Variants in ZNF267 observed in about 807,000 individuals in gnomAD.
ZNF267 encodes zinc finger (C2H2).
ZNF267 carries 61 observed loss-of-function variants against 71.6 expected under a neutral mutation model. That is an observed-to-expected ratio of 0.85 (90% confidence interval 0.69 to 1.05). ZNF267 has a LOEUF of 1.05. Ranked by LOEUF, ZNF267 falls within the 50% of genes least tolerant of loss-of-function variation. The pLI is 0.00. For synonymous variants in ZNF267, 288 were observed against 293.2 expected (o/e 0.98, Z 0.18); for missense variants, 852 against 870.0 (o/e 0.98, Z 0.26).
chr16:31,895,156 G>A (rs1385604586), intron 3 of ZNF267, among the ~76,000 whole-genome samples: 2 of 152,224 alleles, frequency 1.3e-5, no homozygotes, highest in Non-Finnish European at 1.5e-5. Context: ...GTGGGTGTGA[G>A]CTCTGGGTGA....
intron 1 of ZNF267, among the ~76,000 whole-genome samples, chr16:31,880,780 G>C (rs1397600546): frequency 6.6e-6 from 1 of 152,164 alleles, no homozygotes; most frequent in Non-Finnish European, 1.5e-5. Flanking sequence ...TCTAATGTGT[G>C]GGTGAAATAC....
In ZNF267 at chr16:31,915,128, C is replaced by G. The variant is rs1361164202; in HGVS notation, c.879C>G (p.Asn293Lys). 1 of 1,613,302 alleles carries G rather than the reference C, an allele frequency of 6.2e-7. No individual in the cohort carries two copies. Among genetic ancestry groups the G allele is most frequent in the Non-Finnish European group, 8.5e-7 (1 of 1,179,732 alleles). ...IQHQTIHIRE[N>K]SYSYNKYDKD... is the part of the protein sequence containing the mutation. ...ATCAGACCATCCATATCAGAGAAAA[C>G]TCATATAGCTATAACAAATATGATA... Residue 293 changes from asparagine (N) to lysine (K), a missense_variant, in exon 4 of 4, where the codon AAC (asparagine) becomes AAG (lysine). By Grantham distance (94) the Asn-to-Lys change is moderately conservative. Transcript: ENST00000300870.
intron 3 of ZNF267, among the ~76,000 whole-genome samples, chr16:31,902,808 G>T (rs887528229): frequency 6.6e-6 from 1 of 152,014 alleles, no homozygotes; most frequent in African/African-American, 2.4e-5. Flanking sequence ...TGATTGCCCT[G>T]GCCAGAACTT....
intron 3 of ZNF267, among the ~76,000 whole-genome samples, chr16:31,897,126 C>G (rs1333228486): frequency 1.3e-5 from 2 of 149,820 alleles, no homozygotes; most frequent in Non-Finnish European, 3.0e-5. Flanking sequence ...GAACACAACA[C>G]CAAACACCAA....
In ZNF267 at chr16:31,915,161, T is replaced by G. The variant is rs376692242; in HGVS notation, c.912T>G (p.Leu304=). 6.2e-7 allele frequency: 1 copy of G among 1,612,978 alleles called. No homozygotes were observed. Among genetic ancestry groups the G allele is most frequent in the Non-Finnish European group, 8.5e-7 (1 of 1,179,658 alleles). Residue 304 remains leucine (L), a synonymous_variant, in exon 4 of 4, where the codon CTT becomes CTG. Transcript: ENST00000300870. ...GCTATAACAAATATGATAAAGATCT[T>G]AGTCAGTCATCAAATCTTAGAAAGC... ...SYSYNKYDKD[L]SQSSNLRKQI...
rs1283120509 is a variant in ZNF267 at position 31,915,223 on chromosome 16, A to G, written c.974A>G (p.Glu325Gly). ...IHNEEKPYKCEKCGDSLNHSL... is the reference protein window; with the variant it reads ...IHNEEKPYKCGKCGDSLNHSL... ...AATGAAGAGAAACCATACAAATGTGAAAAATGTGGGGATAGCTTAAACCAT... is the reference window on the plus strand; with the variant it reads ...AATGAAGAGAAACCATACAAATGTGGAAAATGTGGGGATAGCTTAAACCAT... Residue 325 changes from glutamate (E) to glycine (G), a missense_variant, in exon 4 of 4, where the codon GAA becomes GGA. Glu to Gly is a moderately conservative substitution (Grantham distance 98). Transcript: ENST00000300870. 1.2e-6 allele frequency: 2 copies of G among 1,613,742 alleles called. No homozygotes were observed. The highest frequency in any genetic ancestry group is 3.3e-5 in the Admixed American group (2 of 59,984).
chr16:31,894,270 TG>T (rs1389520449), intron 3 of ZNF267, among the ~76,000 whole-genome samples: 2 of 152,252 alleles, frequency 1.3e-5, no homozygotes, highest in Non-Finnish European at 2.9e-5. Flanking sequence ...GTCACATGAC[TG>T]GAGAGGGCAG....
intron 3 of ZNF267, among the ~76,000 whole-genome samples, chr16:31,901,121 G>T (rs1359637904): frequency 6.6e-6 from 1 of 152,114 alleles, no homozygotes; most frequent in Non-Finnish European, 1.5e-5. Context: ...CCCTACAAAG[G>T]ACATGAACTC....
In ZNF267 at chr16:31,917,151, G is replaced by A. The variant is rs1025090815; in HGVS notation, c.*670G>A. The A allele has an allele frequency of 6.7e-6, 1 of 148,928 alleles. No individual in the cohort carries two copies. The highest frequency in any genetic ancestry group is 2.1e-4 in the South Asian group (1 of 4,720). 9.2% of individuals were successfully genotyped at this position (148,928 alleles called of 1,614,324 possible). ...GTGTTCATGTGAAAATATGTGTTCT[G>A]TTTTTTTTTCTGCATCAGAACAATG... On this transcript the variant is annotated 3_prime_UTR_variant, in exon 4 of 4. Transcript: ENST00000300870.
At chr16:31,894,445 C>T in intron 3 of ZNF267, 2 of 442,564 alleles carry the variant, frequency 4.5e-6, no homozygotes, top group Admixed American at 2.8e-5. Flanking sequence ...AAGCACTCCA[C>T]CTGTTAGTGT....
chr16:31,887,612 C>A (rs774076118), intron 3 of ZNF267, among the ~76,000 whole-genome samples: 1 of 152,102 alleles, frequency 6.6e-6, no homozygotes, highest in South Asian at 2.1e-4. Flanking sequence ...TGACTACTTT[C>A]TTTCAGCATT....
intron 1 of ZNF267, chr16:31,875,372 C>G (rs1250764273): frequency 4.9e-6 from 6 of 1,223,262 alleles, no homozygotes; most frequent in African/African-American, 1.6e-5. Flanking sequence ...CTGGGACACC[C>G]TTAACCTAAA....
At chr16:31,883,475 C>T (rs914268999) in intron 1 of ZNF267, among the ~76,000 whole-genome samples, 1 of 152,068 alleles carries the variant, frequency 6.6e-6, no homozygotes, top group Non-Finnish European at 1.5e-5. Context: ...TTCTTGTTTT[C>T]GTTACTCAGT....
chr16:31,900,829 T>A (rs1194057198), intron 3 of ZNF267, among the ~76,000 whole-genome samples: 3 of 151,550 alleles, frequency 2.0e-5, no homozygotes, highest in Non-Finnish European at 2.9e-5. Context: ...TTTTAAGTTT[T>A]AGGGTACATG....
chr16:31,916,652 A>T lies in ZNF267; in HGVS notation c.*171A>T, dbSNP rs949343629. 29 of 724,964 alleles carry T rather than the reference A, an allele frequency of 4.0e-5. No homozygotes were observed. In the East Asian group the frequency reaches 7.7e-4, roughly 19 times the overall value. 44.9% of individuals were successfully genotyped at this position (724,964 alleles called of 1,614,324 possible). ...ATAAACTGAAAAAATCCATACAAAT[A>T]TTAAAAATGTGGCAAATTATTTTAA... is the stretch of plus-strand genomic sequence containing the variant. On this transcript the variant is annotated 3_prime_UTR_variant, in exon 4 of 4. Coordinates refer to ENST00000300870, the MANE Select transcript of ZNF267 (RefSeq NM_003414.6).
At chr16:31,910,703 G>C (rs1041882012) in intron 3 of ZNF267, among the ~76,000 whole-genome samples, 3 of 150,654 alleles carry the variant, frequency 2.0e-5, no homozygotes, top group Non-Finnish European at 4.4e-5. Flanking sequence ...TCATTTCATT[G>C]ATTTTTTTTG....
rs2084167282 is a variant in ZNF267 at position 31,915,371 on chromosome 16, T to C, written c.1122T>C (p.Asp374=). 2 of 1,613,506 alleles carry C rather than the reference T, an allele frequency of 1.2e-6. No homozygotes were observed. The part of the protein sequence containing the change: ...SLYLTKQQQI[D]TGENLYKCKA... ...ACCTTACTAAACAGCAGCAAATTGA[T>C]ACTGGAGAAAACCTTTACAAATGTA... Residue 374 remains aspartate (D), a synonymous_variant, in exon 4 of 4, where the codon GAT becomes GAC. Coordinates refer to ENST00000300870, the MANE Select transcript of ZNF267 (RefSeq NM_003414.6).
Position 31,916,129 on chromosome 16 carries a change from C to G in ZNF267, c.1880C>G (p.Thr627Ser). 1 of 1,614,164 alleles carries G rather than the reference C, an allele frequency of 6.2e-7. No individual in the cohort carries two copies. Among genetic ancestry groups the G allele is most frequent in the Non-Finnish European group, 8.5e-7 (1 of 1,180,028 alleles). ...SDVIQHRRIH[T>S]GQRPYKCEEC... ...GTTATTCAGCATCGGAGAATTCATA[C>G]TGGCCAGAGACCCTACAAATGTGAA... The change falls in exon 4 of 4, where the codon ACT (threonine) becomes AGT (serine). Residue 627 changes from threonine to serine, a missense_variant. Coordinates refer to ENST00000300870, the MANE Select transcript of ZNF267 (RefSeq NM_003414.6).
At chr16:31,883,432 A>G (rs926067136) in intron 1 of ZNF267, among the ~76,000 whole-genome samples, 1 of 152,240 alleles carries the variant, frequency 6.6e-6, no homozygotes, top group Non-Finnish European at 1.5e-5. Flanking sequence ...ACATAAAATG[A>G]AAGCATTATT....
Sources: allele counts gnomAD v4.1 joint callset (sites outside exome capture counted in the v4.1 genomes callset), GRCh38; gene constraint gnomAD v4.1.1; transcripts MANE v1.5; gene names NCBI Gene and HGNC (gene_info 2026-07-23, HGNC 2026-07-21).